Variants in CSMD1 observed in about 807,000 individuals in gnomAD.
CSMD1 encodes CUB and sushi domain-containing protein 1.
A neutral mutation model predicts 417.5 loss-of-function variants in CSMD1; 213 were observed. The observed-to-expected ratio is 0.51, with a 90% CI of 0.46 to 0.57. The LOEUF (loss-of-function observed/expected upper bound fraction) is 0.57. Ranked by LOEUF, CSMD1 falls within the 20% of genes least tolerant of loss-of-function variation. CSMD1 has a pLI of 0.00. For synonymous variants in CSMD1, 2,862 were observed against 1,736.8 expected (o/e 1.65, Z -16.11); for missense variants, 6,923 against 4,529.7 (o/e 1.53, Z -15.17).
At chr8:4,480,529 CT>C (rs1801041150) in intron 2 of CSMD1, among the ~76,000 whole-genome samples, 1 of 152,206 alleles carries the variant, frequency 6.6e-6, no homozygotes, top group Admixed American at 6.5e-5. Context: ...ATTTCTCCGC[CT>C]TTTTGCACCA....
intron 7 of CSMD1, among the ~76,000 whole-genome samples, chr8:3,680,526 G>A (rs1234239464): frequency 6.6e-6 from 1 of 152,168 alleles, no homozygotes; most frequent in Non-Finnish European, 1.5e-5. Flanking sequence ...AACAGGCTCT[G>A]AAATTGAGGT....
intron 3 of CSMD1, among the ~76,000 whole-genome samples, chr8:4,277,139 A>G (rs77714662): frequency 0.018 from 2,742 of 152,222 alleles, 46 homozygotes; most frequent in Non-Finnish European, 0.028. Context: ...CCCTTACTAT[A>G]TAGAGCCATA....
At chr8:2,961,450 A>G (rs961540545) in intron 61 of CSMD1, among the ~76,000 whole-genome samples, 3 of 152,028 alleles carry the variant, frequency 2.0e-5, no homozygotes, top group Admixed American at 2.0e-4. Flanking sequence ...CTTATATAAG[A>G]ATAAGTGCAT....
chr8:4,271,221 G>C (rs912221127), intron 3 of CSMD1, among the ~76,000 whole-genome samples: 2 of 152,032 alleles, frequency 1.3e-5, no homozygotes, highest in African/African-American at 4.8e-5. Flanking sequence ...CTTGCAATGC[G>C]ATATACACGA....
chr8:3,868,298 C>A (rs576797294), intron 5 of CSMD1, among the ~76,000 whole-genome samples: 1 of 152,076 alleles, frequency 6.6e-6, no homozygotes, highest in African/African-American at 2.4e-5. Context: ...GCCCTGCTTG[C>A]AGGAGAGATT....
intron 3 of CSMD1, among the ~76,000 whole-genome samples, chr8:4,282,387 G>C (rs1449531593): frequency 2.6e-5 from 4 of 152,088 alleles, no homozygotes; most frequent in African/African-American, 2.4e-5. Flanking sequence ...CATTTTCTCG[G>C]ACTCATTAGC....
intron 3 of CSMD1, among the ~76,000 whole-genome samples, chr8:4,066,929 C>T (rs1799282362): frequency 6.6e-6 from 1 of 152,158 alleles, no homozygotes; most frequent in Admixed American, 6.5e-5. Context: ...GTGACAAATG[C>T]TATTTGTATT....
At chr8:3,618,003 C>T (rs1412052869) in intron 7 of CSMD1, among the ~76,000 whole-genome samples, 1 of 152,134 alleles carries the variant, frequency 6.6e-6, no homozygotes, top group Middle Eastern at 3.4e-3. Flanking sequence ...TCAAGTTTAG[C>T]TTAGTTTGTT....
chr8:3,728,488 A>G (rs17063147), intron 6 of CSMD1, among the ~76,000 whole-genome samples: 1 of 152,084 alleles, frequency 6.6e-6, no homozygotes, highest in African/African-American at 2.4e-5. Context: ...AGTAGCAAAT[A>G]ATAAGTAAAA....
At chr8:4,242,217 T>C (rs909312781) in intron 3 of CSMD1, among the ~76,000 whole-genome samples, 5 of 152,214 alleles carry the variant, frequency 3.3e-5, no homozygotes, top group African/African-American at 1.2e-4. Flanking sequence ...TGATTTTTGA[T>C]GGAAATTAGA....
At chr8:4,195,966 CTT>C (rs1446938485) in intron 3 of CSMD1, among the ~76,000 whole-genome samples, 1 of 151,926 alleles carries the variant, frequency 6.6e-6, no homozygotes, top group Non-Finnish European at 1.5e-5. Context: ...AATCCCAACA[CTT>C]TGGGGCACCG....
At chr8:4,200,474 T>C (rs1366659029) in intron 3 of CSMD1, among the ~76,000 whole-genome samples, 3 of 152,286 alleles carry the variant, frequency 2.0e-5, no homozygotes, top group Admixed American at 6.5e-5. Context: ...GTGACAAAGT[T>C]GAATCTCAGA....
At chr8:4,441,323 G>A (rs1406131294) in intron 2 of CSMD1, among the ~76,000 whole-genome samples, 1 of 139,224 alleles carries the variant, frequency 7.2e-6, no homozygotes, top group African/African-American at 2.7e-5. Context: ...CTGCCCCCTA[G>A]GCTAGTTTTA....
chr8:4,222,743 T>G (rs1801114997), intron 3 of CSMD1, among the ~76,000 whole-genome samples: 1 of 152,178 alleles, frequency 6.6e-6, no homozygotes, highest in Admixed American at 6.5e-5. Flanking sequence ...AAACACTCTT[T>G]CTGCCCAGAT....
At chr8:3,669,827 G>C (rs1446610434) in intron 7 of CSMD1, among the ~76,000 whole-genome samples, 1 of 152,120 alleles carries the variant, frequency 6.6e-6, no homozygotes, top group Admixed American at 6.6e-5. Context: ...CAGAGAACAG[G>C]ACACAGTGGG....
intron 49 of CSMD1, among the ~76,000 whole-genome samples, chr8:3,072,155 T>C (rs887420044): frequency 1.3e-5 from 2 of 152,234 alleles, no homozygotes; most frequent in Non-Finnish European, 2.9e-5. Context: ...GCATCTGAGA[T>C]CAATTCTTCC....
chr8:3,855,092 C>A (rs1000575411), intron 5 of CSMD1, among the ~76,000 whole-genome samples: 1 of 152,100 alleles, frequency 6.6e-6, no homozygotes, highest in Non-Finnish European at 1.5e-5. Flanking sequence ...GAGTATTTAC[C>A]TACTACTCTT....
intron 2 of CSMD1, among the ~76,000 whole-genome samples, chr8:4,445,940 A>C (rs1213345600): frequency 6.6e-6 from 1 of 152,092 alleles, no homozygotes; most frequent in African/African-American, 2.4e-5. Context: ...GTCAGAGAAA[A>C]AGTATTTCGG....
chr8:4,411,227 A>G (rs1219566222), intron 3 of CSMD1, among the ~76,000 whole-genome samples: 1 of 151,896 alleles, frequency 6.6e-6, no homozygotes, highest in East Asian at 1.9e-4. Flanking sequence ...ACAAATATTA[A>G]TTAATACATA....
Sources: allele counts gnomAD v4.1 joint callset (sites outside exome capture counted in the v4.1 genomes callset), GRCh38; gene constraint gnomAD v4.1.1; transcripts MANE v1.5; gene names NCBI Gene and HGNC (gene_info 2026-07-23, HGNC 2026-07-21).